DERA: variants seen among roughly 807,000 people sequenced by gnomAD.
The protein encoded by DERA is 2-deoxy-D-ribose 5-phosphate aldolase.
Under a neutral mutation model 41.1 loss-of-function variants are expected in DERA, and 15 were observed. That is an observed-to-expected ratio of 0.37 (90% CI 0.24 to 0.56). The LOEUF is 0.56. Ranked by LOEUF, DERA falls within the 20% of genes least tolerant of loss-of-function variation. The probability of loss-of-function intolerance (pLI) is 0.81; values close to 1 mark genes in which losing one functional copy is unlikely to be tolerated. For synonymous variants in DERA, 139 were observed against 137.4 expected (o/e 1.01, Z -0.08); for missense variants, 396 against 403.4 (o/e 0.98, Z 0.16).
rs775100865 is a variant in DERA, at chr12:15,995,989, C to T, written c.637+13553C>T. 6.6e-5 allele frequency among the ~76,000 whole-genome samples: 10 copies of T among 152,068 alleles called. No homozygotes were observed. Among genetic ancestry groups the T allele is most frequent in the Admixed American group, 1.3e-4 (2 of 15,270 alleles). On this transcript the variant is annotated intron_variant, in intron 6 of 8. Transcript: ENST00000428559. The surrounding 1 kb of genome is among the most constrained non-coding windows in gnomAD (Gnocchi z 5.1). ...CTGAATCACCTGGAAATTGGGTGCG[C>T]CACATCAGGAGGTAGGAGACGTTCG...
intron 5 of DERA, among the ~76,000 whole-genome samples, chr12:15,969,435 G>C (rs1208760435): frequency 6.6e-6 from 1 of 152,186 alleles, no homozygotes; most frequent in Non-Finnish European, 1.5e-5. Flanking sequence ...TGGAGCACCA[G>C]CAGACGTAGT....
chr12:15,954,843 G>C lies in DERA; in HGVS notation c.32-2093G>C, dbSNP rs1405374430. Among the ~76,000 whole-genome samples, 12 of 152,192 alleles carry C rather than the reference G, an allele frequency of 7.9e-5. No individual in the cohort carries two copies. Among genetic ancestry groups the C allele is most frequent in the Non-Finnish European group, 2.9e-5 (2 of 68,032 alleles). Reference sequence around the variant, plus strand: ...ATAAAGGACAGCCTGTCAAAGCCTTGCCCCACTGAGTAATAGGCCTACCTC... The same window carrying C: ...ATAAAGGACAGCCTGTCAAAGCCTTCCCCCACTGAGTAATAGGCCTACCTC... On this transcript the variant is annotated intron_variant, in intron 1 of 8. Transcript: ENST00000428559. This position sits in a 1 kb window ranked among gnomAD's most constrained non-coding sequence, Gnocchi z 4.0.
Position 16,037,282 on chromosome 12 carries a change from A to G in DERA, c.*536A>G, listed in dbSNP as rs952042107. The G allele has an allele frequency of 2.0e-5, 3 of 152,200 alleles. No individual in the cohort carries two copies. The highest frequency in any genetic ancestry group is 2.0e-4 in the Admixed American group (3 of 15,288). The allele number at this position is 152,200 out of a possible 1,614,324, so 9.4% of individuals were successfully genotyped here. On this transcript the variant is annotated 3_prime_UTR_variant, in exon 9 of 9. Coordinates refer to ENST00000428559, the MANE Select transcript of DERA (RefSeq NM_015954.4). The surrounding 1 kb of genome is among the most constrained non-coding windows in gnomAD (Gnocchi z 6.7). ...GAATATCATTAAAATTTTTAAAATA[A>G]TAAAGTTCCTATAGTTTATTTTTTT...
rs1948567071 is a variant in DERA, at chr12:15,959,516, T to G, written c.278-313T>G. ...GTAAATATGGATTTTGTTATCTACATGAAATATTTGCATTTAGTAATGATC... is the reference window on the plus strand; with the variant it reads ...GTAAATATGGATTTTGTTATCTACAGGAAATATTTGCATTTAGTAATGATC... On this transcript the variant is annotated intron_variant, in intron 3 of 8. Transcript: ENST00000428559. This position sits in a 1 kb window ranked among gnomAD's most constrained non-coding sequence, Gnocchi z 4.5. Among the ~76,000 whole-genome samples the G allele has an allele frequency of 6.6e-6, 1 of 152,226 alleles. No individual in the cohort carries two copies. The highest frequency in any genetic ancestry group is 1.5e-5 in the Non-Finnish European group (1 of 68,040).
chr12:15,945,727 C>T (rs888218575), intron 1 of DERA, among the ~76,000 whole-genome samples: 6 of 152,124 alleles, frequency 3.9e-5, no homozygotes, highest in Non-Finnish European at 2.9e-5. Flanking sequence ...TTTCTTTCTC[C>T]TGCCTGATTG....
chr12:15,998,393 C>T lies in DERA; in HGVS notation c.637+15957C>T, dbSNP rs977000416. 6.6e-6 allele frequency among the ~76,000 whole-genome samples: 1 copy of T among 152,092 alleles called. No individual in the cohort carries two copies. Among genetic ancestry groups the T allele is most frequent in the African/African-American group, 2.4e-5 (1 of 41,396 alleles). On this transcript the variant is annotated intron_variant, in intron 6 of 8. Transcript: ENST00000428559. The surrounding 1 kb of genome is among the most constrained non-coding windows in gnomAD (Gnocchi z 4.8). ...AGTGCAATGGCCGGATCTTGGCTCA[C>T]GGCAACCTCCGCCTTCCGGGTTCAA...
chr12:16,022,705 C>T (rs1367208993), intron 6 of DERA, among the ~76,000 whole-genome samples: 1 of 152,166 alleles, frequency 6.6e-6, no homozygotes, highest in Non-Finnish European at 1.5e-5. Context: ...GCTTGAAATC[C>T]AGAGAGACAG....
Position 15,995,086 on chromosome 12 carries a change from C to G in DERA, c.637+12650C>G, listed in dbSNP as rs576517860. ...GCTTTTATTAATGCACAACCCTGCT[C>G]TCTATCCTGCAATTGATCTGTATAT... is the stretch of plus-strand genomic sequence containing the variant. On this transcript the variant is annotated intron_variant, in intron 6 of 8. Transcript: ENST00000428559. This position sits in a 1 kb window ranked among gnomAD's most constrained non-coding sequence, Gnocchi z 5.1. 2.0e-5 allele frequency among the ~76,000 whole-genome samples: 3 copies of G among 152,314 alleles called. No individual in the cohort carries two copies. Among genetic ancestry groups the G allele is most frequent in the East Asian group, 1.9e-4 (1 of 5,172 alleles).
rs2136173503 is a variant in DERA, at chr12:16,001,878, A to G, written c.637+19442A>G. 6.6e-6 allele frequency among the ~76,000 whole-genome samples: 1 copy of G among 152,312 alleles called. No homozygotes were observed. Among genetic ancestry groups the G allele is most frequent in the South Asian group, 2.1e-4 (1 of 4,828 alleles). The stretch of plus-strand genomic sequence containing the variant: ...GGTGCTTTGGGAGCTTAGAGAGGAA[A>G]CAAACCCCGGTATGGACTTTTCAGA... On this transcript the variant is annotated intron_variant, in intron 6 of 8. Coordinates refer to ENST00000428559, the MANE Select transcript of DERA (RefSeq NM_015954.4). The surrounding 1 kb of genome is among the most constrained non-coding windows in gnomAD (Gnocchi z 4.1).
At chr12:15,963,984 C>T (rs1948606196) in intron 5 of DERA, among the ~76,000 whole-genome samples, 1 of 151,990 alleles carries the variant, frequency 6.6e-6, no homozygotes, top group African/African-American at 2.4e-5. Context: ...TGGTTTAAAC[C>T]CTCAGTATTT....
At chr12:15,991,617 A>G (rs1209684262) in intron 6 of DERA, among the ~76,000 whole-genome samples, 1 of 152,182 alleles carries the variant, frequency 6.6e-6, no homozygotes, top group Non-Finnish European at 1.5e-5. Flanking sequence ...TAAATAGATG[A>G]AAAATATATA....
At chr12:15,947,025 G>A (rs895915090) in intron 1 of DERA, among the ~76,000 whole-genome samples, 8 of 152,188 alleles carry the variant, frequency 5.3e-5, no homozygotes, top group African/African-American at 1.9e-4. Flanking sequence ...TTTCCATGTA[G>A]TTGAGCAGTT....
At chr12:15,978,060 T>A (rs940813726) in intron 5 of DERA, among the ~76,000 whole-genome samples, 1 of 152,218 alleles carries the variant, frequency 6.6e-6, no homozygotes, top group African/African-American at 2.4e-5. Flanking sequence ...CATTCGTTTT[T>A]CCATTGTTTG....
At chr12:15,978,323 T>C (rs1219800854) in intron 5 of DERA, among the ~76,000 whole-genome samples, 1 of 152,216 alleles carries the variant, frequency 6.6e-6, no homozygotes, top group Non-Finnish European at 1.5e-5. Context: ...TGGCAAATTC[T>C]AGTTGTGCTT....
chr12:15,993,867 A>G lies in DERA; in HGVS notation c.637+11431A>G, dbSNP rs545643494. Among the ~76,000 whole-genome samples, 5 of 152,364 alleles carry G rather than the reference A, an allele frequency of 3.3e-5. No homozygotes were observed. The highest frequency in any genetic ancestry group is 2.6e-4 in the Admixed American group (4 of 15,308). ...CTGGCTTCCCAGCAATGCAGGAACT[A>G]CTGATGGTGTATTTTGGTACATGCA... On this transcript the variant is annotated intron_variant, in intron 6 of 8. Coordinates refer to ENST00000428559, the MANE Select transcript of DERA (RefSeq NM_015954.4). This position sits in a 1 kb window ranked among gnomAD's most constrained non-coding sequence, Gnocchi z 4.4.
Position 15,966,188 on chromosome 12 carries a change from G to A in DERA, c.508+3241G>A, listed in dbSNP as rs561922465. 1.6e-3 allele frequency among the ~76,000 whole-genome samples: 242 copies of A among 152,250 alleles called. 1 individual carries two copies. The highest frequency in any genetic ancestry group is 2.8e-3 in the Admixed American group (43 of 15,286). ...GGGAGGCCTCATCACCTCTTGCTCT[G>A]CTGCCGCCCTAAGCTCTGGTTCCGC... On this transcript the variant is annotated intron_variant, in intron 5 of 8. Coordinates refer to ENST00000428559, the MANE Select transcript of DERA (RefSeq NM_015954.4). The surrounding 1 kb of genome is among the most constrained non-coding windows in gnomAD (Gnocchi z 5.1).
At chr12:15,925,237 C>T (rs1948273444) in intron 1 of DERA, among the ~76,000 whole-genome samples, 1 of 152,076 alleles carries the variant, frequency 6.6e-6, no homozygotes, top group African/African-American at 2.4e-5. Flanking sequence ...GTTATCTGCT[C>T]TGCTATTGGA....
At chr12:16,022,636 G>T (rs1158049081) in intron 6 of DERA, among the ~76,000 whole-genome samples, 1 of 152,146 alleles carries the variant, frequency 6.6e-6, no homozygotes, top group Admixed American at 6.5e-5. Flanking sequence ...AGAATTAACT[G>T]AAAATGAGTG....
chr12:16,015,380 G>A (rs1948974106), intron 6 of DERA, among the ~76,000 whole-genome samples: 1 of 152,134 alleles, frequency 6.6e-6, no homozygotes, highest in Non-Finnish European at 1.5e-5. Context: ...CTTGTGACAG[G>A]AAGTTCTCAC....
Sources: gnomAD v4.1 joint callset for allele counts (sites outside exome capture counted in the v4.1 genomes callset) on GRCh38, gnomAD v4.1.1 for gene constraint, Gnocchi (gnomAD v3.1) non-coding constraint, MANE v1.5 for transcripts, NCBI Gene and HGNC (gene_info 2026-07-23, HGNC 2026-07-21) for gene names.